VOPP1: variants seen among roughly 807,000 people sequenced by gnomAD.
The protein encoded by VOPP1 is VOPP1 WW domain binding protein.
A neutral mutation model predicts 23.5 loss-of-function variants in VOPP1; 8 were observed. The ratio of observed to expected loss-of-function variants is 0.34; its 90% CI spans 0.20 to 0.61. The LOEUF (loss-of-function observed/expected upper bound fraction) is 0.61, where lower values mean the gene tolerates loss of function less well. VOPP1 is among the 20% of genes least tolerant of loss of function. The probability of loss-of-function intolerance (pLI) is 0.78; values close to 1 mark genes in which losing one functional copy is unlikely to be tolerated. For synonymous variants in VOPP1, 83 were observed against 97.3 expected (o/e 0.85, Z 0.86); for missense variants, 174 against 238.1 (o/e 0.73, Z 1.77).
chr7:55,465,330 C>G (rs914821068), intron 4 of VOPP1, among the ~76,000 whole-genome samples: 1 of 152,238 alleles, frequency 6.6e-6, no homozygotes, highest in Non-Finnish European at 1.5e-5. Context: ...CCTTCTATCT[C>G]TGATTGGCTC....
In VOPP1 at chr7:55,450,975, A is replaced by G. The variant is rs967127232; in HGVS notation, n.418-14801T>C. ...GACCAAGCCACGTTGCTCCTCCTTC[A>G]TTATACTCTTGAGACCTGCACAAGA... On this transcript the variant is annotated intron_variant and non_coding_transcript_variant, in intron 4 of 4. Transcript: ENST00000462326. 3.3e-5 allele frequency among the ~76,000 whole-genome samples: 5 copies of G among 152,236 alleles called. No individual in the cohort carries two copies. In the South Asian group the frequency reaches 1.0e-3, roughly 32 times the overall value.
intron 1 of VOPP1, among the ~76,000 whole-genome samples, chr7:55,545,292 C>T (rs186015689): frequency 9.1e-4 from 139 of 152,304 alleles, no homozygotes; most frequent in Middle Eastern, 3.4e-3. Context: ...GGTGAGACCA[C>T]GCTAGGAGAA....
intron 2 of VOPP1, chr7:55,515,805 G>A (rs73139603): frequency 0.088 from 16,268 of 184,198 alleles, 1,028 homozygotes; most frequent in East Asian, 0.27. Context: ...CTGAGTTCCC[G>A]CATGTGGACC....
chr7:55,572,178 C>A (rs1798387706), intron 1 of VOPP1, 93 bp downstream of exon 1: 5 of 1,080,548 alleles, frequency 4.6e-6, no homozygotes, highest in South Asian at 4.6e-5. Flanking sequence ...CGCTCCCAGG[C>A]AAGGTCCTCT....
At chr7:55,505,598 C>T (rs1794656598) in intron 2 of VOPP1, among the ~76,000 whole-genome samples, 2 of 135,370 alleles carry the variant, frequency 1.5e-5, no homozygotes, top group African/African-American at 2.7e-5. Flanking sequence ...GTGAATTGTA[C>T]CTTAATTTAG....
At chr7:55,469,044 T>C (rs2129005427), downstream of VOPP1, among the ~76,000 whole-genome samples, 1 of 152,326 alleles carries the variant, frequency 6.6e-6, no homozygotes, top group Non-Finnish European at 1.5e-5. Context: ...GTATAAATAG[T>C]TGTAGAATCT....
chr7:55,451,927 G>A (rs1221818874), intron 4 of VOPP1, among the ~76,000 whole-genome samples: 1 of 152,200 alleles, frequency 6.6e-6, no homozygotes, highest in Non-Finnish European at 1.5e-5. Flanking sequence ...AGTTGCTAAA[G>A]GTTGGACTGG....
chr7:55,462,813 G>A lies in VOPP1; in HGVS notation n.418-26639C>T, dbSNP rs1310510844. Among the ~76,000 whole-genome samples, 6 of 149,124 alleles carry A rather than the reference G, an allele frequency of 4.0e-5. No individual in the cohort carries two copies. The East Asian group carries it at 5.8e-4, about 14-fold the overall frequency. On this transcript the variant is annotated intron_variant and non_coding_transcript_variant, in intron 4 of 4. Coordinates refer to the VOPP1 transcript ENST00000462326. ...TGGGACTACAGGCGCCCGCCACTAC[G>A]CCCAGCTAATTTTTTTGTATTTTTA...
rs751666916 is a variant in VOPP1 at position 55,472,842 on chromosome 7, C to G, written c.*13G>C. The G allele has an allele frequency of 8.9e-7, 1 of 1,126,966 alleles. No individual in the cohort carries two copies. Among genetic ancestry groups the G allele is most frequent in the Non-Finnish European group, 1.2e-6 (1 of 837,610 alleles). 69.8% of individuals were successfully genotyped at this position (1,126,966 alleles called of 1,614,324 possible). A position where few individuals can be genotyped will look rare whatever the true frequency, so the allele number is the denominator to read the frequency against. ...GCCCTCTCCTGTCTCTCCTCTTGCA[C>G]GTGGGCACCCCACTACTTGGCCTTC... On this transcript the variant is annotated 3_prime_UTR_variant, in exon 5 of 5. Transcript: ENST00000285279.
At chr7:55,457,779 C>T (rs1205140173) in intron 4 of VOPP1, among the ~76,000 whole-genome samples, 1 of 151,960 alleles carries the variant, frequency 6.6e-6, no homozygotes, top group Non-Finnish European at 1.5e-5. Flanking sequence ...CTCTTCATGT[C>T]CTTTGCCTAC....
At chr7:55,535,390 TG>T in intron 1 of VOPP1, among the ~76,000 whole-genome samples, 1 of 152,278 alleles carries the variant, frequency 6.6e-6, no homozygotes, top group Non-Finnish European at 1.5e-5. Context: ...CAGAGGGCAC[TG>T]GGGCAGGCTC....
intron 4 of VOPP1, among the ~76,000 whole-genome samples, chr7:55,438,302 C>T (rs530679211): frequency 2.1e-4 from 32 of 151,856 alleles, no homozygotes; most frequent in Non-Finnish European, 4.1e-4. Flanking sequence ...CCAGACATTA[C>T]GGAGGCACTT....
At chr7:55,568,081 C>CTT (rs60284804) in intron 1 of VOPP1, among the ~76,000 whole-genome samples, 34,474 of 123,976 alleles carry the variant, frequency 0.28, 5,640 homozygotes, top group South Asian at 0.35. Flanking sequence ...ACAACTATTC[C>CTT]TTTTTTTTTT....
chr7:55,472,946 TTGGG>T lies in VOPP1; in HGVS notation c.424_427del (p.Pro142ThrfsTer26). ...GCAGGCCACACTCCCCTGGGGTGAGTTGGGTGGGACCTGGAAAGCCATTGCCATG... is the reference window on the plus strand; with the variant it reads ...GCAGGCCACACTCCCCTGGGGTGAGTTGGGACCTGGAAAGCCATTGCCATG... On this transcript the variant is annotated frameshift_variant, in exon 5 of 5. Transcript: ENST00000285279. LOFTEE classifies it high-confidence loss of function. 1 of 1,582,796 alleles carries T rather than the reference TTGGG, an allele frequency of 6.3e-7. No individual in the cohort carries two copies. The highest frequency in any genetic ancestry group is 8.6e-7 in the Non-Finnish European group (1 of 1,168,440).
rs572125842 is a variant in VOPP1, at chr7:55,524,288, G to A, written c.55-3158C>T. ...AATCATATTTTGAAAAATTTAACCC[G>A]TTTGTTCCTTTACAAAAACTATTCT... is the stretch of plus-strand genomic sequence containing the variant. On this transcript the variant is annotated intron_variant, in intron 1 of 4. Transcript: ENST00000285279. 2.0e-4 allele frequency among the ~76,000 whole-genome samples: 31 copies of A among 152,206 alleles called. 1 individual carries two copies. In the East Asian group the frequency reaches 2.5e-3, roughly 12 times the overall value.
At chr7:55,497,147 C>T (rs1041061725) in intron 3 of VOPP1, among the ~76,000 whole-genome samples, 10 of 152,192 alleles carry the variant, frequency 6.6e-5, no homozygotes, top group Non-Finnish European at 1.0e-4. Context: ...GCTCCGTATG[C>T]GCCCCAGAGG....
chr7:55,521,618 C>T, intron 1 of VOPP1: 1 of 987,494 alleles, frequency 1.0e-6, no homozygotes. Context: ...CACTCGTTGC[C>T]CTCTCACGTG....
At chr7:55,482,547 G>A (rs1048145898) in intron 4 of VOPP1, among the ~76,000 whole-genome samples, 2 of 150,878 alleles carry the variant, frequency 1.3e-5, no homozygotes, top group Non-Finnish European at 2.9e-5. Flanking sequence ...TAGTCAGGGA[G>A]GTAGGGCGGT....
chr7:55,456,619 T>C (rs1288490685), intron 4 of VOPP1, among the ~76,000 whole-genome samples: 2 of 151,932 alleles, frequency 1.3e-5, no homozygotes, highest in African/African-American at 2.4e-5. Flanking sequence ...TATGCAGCCA[T>C]AAAAAAAGGA....
Sources: allele counts gnomAD v4.1 joint callset (sites outside exome capture counted in the v4.1 genomes callset), GRCh38; gene constraint gnomAD v4.1.1; transcripts MANE v1.5; gene names NCBI Gene and HGNC (gene_info 2026-07-23, HGNC 2026-07-21).